KALRN: variants seen among roughly 807,000 people sequenced by gnomAD.
KALRN encodes kalirin.
In KALRN, 70 loss-of-function variants were observed where a neutral mutation model predicts 353.7. The observed-to-expected ratio is 0.20, with a 90% CI of 0.16 to 0.24. KALRN has a LOEUF of 0.24. KALRN is among the 10% of genes least tolerant of loss of function. KALRN has a pLI of 1.00. For synonymous variants in KALRN, 1,391 were observed against 1,434.8 expected, an observed-to-expected ratio of 0.97 and a Z score of 0.69; for missense variants, 2,791 against 3,756.7, an observed-to-expected ratio of 0.74 and a Z score of 6.72.
intron 51 of KALRN, among the ~76,000 whole-genome samples, chr3:124,691,450 T>G (rs572014102): frequency 1.1e-4 from 17 of 152,016 alleles, no homozygotes; most frequent in Non-Finnish European, 2.4e-4. Flanking sequence ...ATAAATTAAA[T>G]AAAGAAAGCG....
rs1258051590 is a variant in KALRN at position 124,464,926 on chromosome 3, C to G, written c.4031+2293C>G. On this transcript the variant is annotated intron_variant, in intron 25 of 59. Transcript: ENST00000682506. The stretch of plus-strand genomic sequence containing the variant: ...AGTATTGGTGCAAACCATTCTGTAT[C>G]CCACCATAGGGCCCAATACAGCCAC... Among the ~76,000 whole-genome samples the G allele has an allele frequency of 3.3e-5, 5 of 151,336 alleles. No individual in the cohort carries two copies. In the East Asian group the frequency reaches 9.8e-4, roughly 30 times the overall value.
chr3:124,170,343 T>G (rs2071560155), intron 1 of KALRN, among the ~76,000 whole-genome samples: 1 of 152,226 alleles, frequency 6.6e-6, no homozygotes, highest in Non-Finnish European at 1.5e-5. Context: ...TTATGTCATC[T>G]TAGTTTTCAT....
In KALRN at chr3:124,725,288, A is replaced by C. The variant is rs1579116507; in HGVS notation, c.*5818A>C. 6.6e-6 allele frequency: 1 copy of C among 152,258 alleles called. No homozygotes were observed. The highest frequency in any genetic ancestry group is 2.4e-5 in the African/African-American group (1 of 41,548). 9.4% of individuals were successfully genotyped at this position (152,258 alleles called of 1,614,324 possible). On this transcript the variant is annotated 3_prime_UTR_variant, in exon 60 of 60. Transcript: ENST00000682506. ...GTCAACTCTATGTTTGATTTTTCTG[A>C]CCCTGGTGCTTTTACTTCTGTTTCT...
At chr3:124,557,350 C>T (rs2071395583) in intron 33 of KALRN, among the ~76,000 whole-genome samples, 1 of 152,194 alleles carries the variant, frequency 6.6e-6, no homozygotes, top group East Asian at 1.9e-4. Flanking sequence ...AGTACAGCTG[C>T]ATGTCACTTG....
At chr3:124,255,714 C>A (rs954628825) in intron 3 of KALRN, among the ~76,000 whole-genome samples, 2 of 152,036 alleles carry the variant, frequency 1.3e-5, no homozygotes, top group African/African-American at 4.8e-5. Context: ...TAGGAAGAGC[C>A]CCTTATCCCA....
At chr3:124,548,359 T>A (rs1399158159) in intron 33 of KALRN, among the ~76,000 whole-genome samples, 1 of 152,244 alleles carries the variant, frequency 6.6e-6, no homozygotes, top group East Asian at 1.9e-4. Context: ...CCATCTTGAC[T>A]TTGTATTTTG....
At chr3:124,181,967 T>C (rs2073657561) in intron 1 of KALRN, among the ~76,000 whole-genome samples, 4 of 152,170 alleles carry the variant, frequency 2.6e-5, no homozygotes, top group Admixed American at 1.3e-4. Flanking sequence ...GATATTTCCA[T>C]GTTAGTGTCC....
intron 2 of KALRN, among the ~76,000 whole-genome samples, chr3:124,231,832 A>G (rs1031037039): frequency 6.6e-6 from 1 of 151,970 alleles, no homozygotes; most frequent in Non-Finnish European, 1.5e-5. Context: ...TGACTTTATC[A>G]TGGGGTCCTT....
chr3:124,658,330 G>A (rs144157030), intron 41 of KALRN, 101 bp from the exon 42 acceptor site: 345 of 853,536 alleles, frequency 4.0e-4, no homozygotes, highest in Non-Finnish European at 6.2e-4. Context: ...CCCCAAGTGC[G>A]CCTTTGTCCT....
chr3:124,717,817 CT>C lies in KALRN; in HGVS notation c.8415+440del, dbSNP rs202085010. ...ATTTACTTAGAGTAGAATATTATAACTTTTTTTTATTTGAGACAGAGTCTGA... is the reference window on the plus strand; with the variant it reads ...ATTTACTTAGAGTAGAATATTATAACTTTTTTTATTTGAGACAGAGTCTGA... On this transcript the variant is annotated intron_variant, in intron 59 of 59. Transcript: ENST00000682506. 2.0e-5 allele frequency among the ~76,000 whole-genome samples: 3 copies of C among 151,756 alleles called. No homozygotes were observed. In the East Asian group the frequency reaches 5.8e-4, roughly 29 times the overall value.
chr3:124,044,654 T>A (rs773952901), intron 1 of KALRN, among the ~76,000 whole-genome samples: 1 of 151,586 alleles, frequency 6.6e-6, no homozygotes, highest in Non-Finnish European at 1.5e-5. Context: ...TTAATAGATA[T>A]ATTCTGATAG....
chr3:124,163,635 G>T, intron 1 of KALRN: 1 of 984,800 alleles, frequency 1.0e-6, no homozygotes. Context: ...GCATAAAGAA[G>T]AAAGAAGAAA....
intron 10 of KALRN, among the ~76,000 whole-genome samples, chr3:124,375,652 C>A (rs183805100): frequency 6.6e-6 from 1 of 152,148 alleles, no homozygotes. Context: ...GTATTGGCAA[C>A]CTCTAGGATT....
intron 33 of KALRN, 145 bp from the exon 34 acceptor site, chr3:124,562,698 C>A: frequency 1.5e-6 from 1 of 661,364 alleles, no homozygotes; most frequent in Non-Finnish European, 2.2e-6. Flanking sequence ...GCCCTAAACA[C>A]CATTTTTCCT....
At chr3:124,489,410 C>A (rs1210636334) in intron 29 of KALRN, among the ~76,000 whole-genome samples, 12 of 152,082 alleles carry the variant, frequency 7.9e-5, no homozygotes, top group Admixed American at 7.9e-4. Flanking sequence ...GCTGTTTTTT[C>A]TCTTCTGGAC....
chr3:124,257,098 C>G (rs2072121716), intron 3 of KALRN, among the ~76,000 whole-genome samples: 2 of 152,224 alleles, frequency 1.3e-5, no homozygotes, highest in Admixed American at 6.5e-5. Context: ...CTAACATTTT[C>G]AACAGGCTTC....
chr3:124,579,605 T>G (rs6779206), intron 34 of KALRN, among the ~76,000 whole-genome samples: 22,759 of 152,002 alleles, frequency 0.15, 2,784 homozygotes, highest in East Asian at 0.45. Flanking sequence ...GAATAAAGCT[T>G]TAGGAAGAAG....
intron 12 of KALRN, 115 bp from the exon 13 acceptor site, chr3:124,398,582 A>G (rs1381209190): frequency 4.0e-6 from 4 of 1,004,036 alleles, no homozygotes; most frequent in Admixed American, 3.7e-5. Context: ...TGTTGATTGA[A>G]TGACTCAACT....
Position 124,300,235 on chromosome 3 carries a change from C to T in KALRN, c.1092+1322C>T, listed in dbSNP as rs143879831. 2.8e-3 allele frequency among the ~76,000 whole-genome samples: 420 copies of T among 152,282 alleles called. 4 individuals carry two copies. The Middle Eastern group carries it at 0.031, about 11-fold the overall frequency. ...TAAATAATTCTGGCCTCAAGTTGTT[C>T]ACTGTCTAGCTAGAGAAAGAAAAGT... On this transcript the variant is annotated intron_variant, in intron 6 of 59. Coordinates refer to ENST00000682506, the MANE Select transcript of KALRN (RefSeq NM_001388419.1).
Sources: gnomAD v4.1 joint callset for allele counts (sites outside exome capture counted in the v4.1 genomes callset) on GRCh38, gnomAD v4.1.1 for gene constraint, MANE v1.5 for transcripts, NCBI Gene and HGNC (gene_info 2026-07-23, HGNC 2026-07-21) for gene names.